Variants in MDGA2 observed in about 807,000 individuals in gnomAD.
MDGA2 encodes MAM domain-containing glycosylphosphatidylinositol anchor protein 2.
Under a neutral mutation model 117.8 loss-of-function variants are expected in MDGA2, and 40 were observed. That is an observed-to-expected ratio of 0.34 (90% confidence interval 0.26 to 0.44). The LOEUF is 0.44. Among genes scored for constraint, MDGA2 ranks in the 20% least tolerant of loss-of-function variants. The pLI is 1.00. For synonymous variants in MDGA2, 452 were observed against 439.0 expected, an observed-to-expected ratio of 1.03 and a Z score of -0.37; for missense variants, 1,123 against 1,250.6, an observed-to-expected ratio of 0.90 and a Z score of 1.54.
chr14:47,406,680 T>G lies in MDGA2; in HGVS notation c.281-105130A>C, dbSNP rs530172722. On this transcript the variant is annotated intron_variant, in intron 1 of 16. Coordinates refer to ENST00000399232, the MANE Select transcript of MDGA2 (RefSeq NM_001113498.3). ...ATTCTTTGGACTTAATGGCTACTGA[T>G]AGAAATAGGTGTGGTTCAATGACTC... Among the ~76,000 whole-genome samples the G allele has an allele frequency of 2.0e-5, 3 of 152,202 alleles. No homozygotes were observed. In the South Asian group the frequency reaches 6.2e-4, roughly 32 times the overall value.
At chr14:47,496,377 G>T (rs1461583813) in intron 1 of MDGA2, among the ~76,000 whole-genome samples, 1 of 151,898 alleles carries the variant, frequency 6.6e-6, no homozygotes, top group Non-Finnish European at 1.5e-5. Flanking sequence ...CAAGTAGGTG[G>T]GTCTACAAGC....
intron 1 of MDGA2, among the ~76,000 whole-genome samples, chr14:47,622,495 G>A (rs1001864597): frequency 5.9e-5 from 9 of 152,214 alleles, no homozygotes. Flanking sequence ...TAAATGGGAG[G>A]TGTGTAGATG....
At chr14:47,318,920 C>T (rs1390864356) in intron 1 of MDGA2, among the ~76,000 whole-genome samples, 1 of 152,260 alleles carries the variant, frequency 6.6e-6, no homozygotes. Flanking sequence ...TAAATTCTAT[C>T]TTTTCCTAAC....
At chr14:46,858,428 CTTTTTT>C (rs71112466) in intron 14 of MDGA2, among the ~76,000 whole-genome samples, 1 of 123,834 alleles carries the variant, frequency 8.1e-6, no homozygotes, top group African/African-American at 3.2e-5. Flanking sequence ...TTCTTTTTTT[CTTTTTT>C]TTTTTTTTTT....
At chr14:47,673,201 T>C (rs1898107223) in intron 1 of MDGA2, among the ~76,000 whole-genome samples, 1 of 152,160 alleles carries the variant, frequency 6.6e-6, no homozygotes, top group Admixed American at 6.5e-5. Context: ...GCTGGGTCTG[T>C]AGCATTCATC....
intron 8 of MDGA2, chr14:46,960,684 C>T (rs983827477): frequency 4.0e-5 from 6 of 151,104 alleles, no homozygotes; most frequent in African/African-American, 1.2e-4. Flanking sequence ...CATATACATA[C>T]ATATGTGTAT....
chr14:47,194,741 TCTCA>T (rs1566675039), intron 3 of MDGA2, among the ~76,000 whole-genome samples: 1 of 151,944 alleles, frequency 6.6e-6, no homozygotes, highest in Non-Finnish European at 1.5e-5. Context: ...GTTAGGTGAA[TCTCA>T]CTCTCTCTCT....
intron 3 of MDGA2, among the ~76,000 whole-genome samples, chr14:47,164,175 G>A (rs1883765069): frequency 6.6e-6 from 1 of 152,140 alleles, no homozygotes; most frequent in Non-Finnish European, 1.5e-5. Flanking sequence ...TTAATCAATA[G>A]ATATAGCTAT....
At chr14:47,034,915 T>C in intron 8 of MDGA2, 96 bp downstream of exon 8, 1 of 1,058,488 alleles carries the variant, frequency 9.4e-7, no homozygotes, top group South Asian at 1.5e-5. Flanking sequence ...GTTCATTCAA[T>C]CTAGTTACAA....
chr14:47,568,953 CTT>C (rs547050831), intron 1 of MDGA2, among the ~76,000 whole-genome samples: 6 of 141,676 alleles, frequency 4.2e-5, no homozygotes, highest in African/African-American at 1.3e-4. Context: ...AAATTAATGT[CTT>C]TTTTTTTTTT....
chr14:47,516,099 T>A (rs1894745687), intron 1 of MDGA2, among the ~76,000 whole-genome samples: 1 of 152,170 alleles, frequency 6.6e-6, no homozygotes, highest in Non-Finnish European at 1.5e-5. Flanking sequence ...AAAGTCCATT[T>A]ATGCATAGTT....
intron 3 of MDGA2, chr14:47,201,159 G>C: frequency 1.5e-6 from 1 of 672,898 alleles, no homozygotes. Flanking sequence ...TTAGCTGCTA[G>C]TTTACCTGCT....
intron 1 of MDGA2, among the ~76,000 whole-genome samples, chr14:47,439,667 T>G (rs909313513): frequency 6.6e-6 from 1 of 152,120 alleles, no homozygotes; most frequent in African/African-American, 2.4e-5. Flanking sequence ...ACAGGGATAA[T>G]GACCGACTAA....
chr14:47,586,680 T>A (rs1294493546), intron 1 of MDGA2, among the ~76,000 whole-genome samples: 1 of 151,774 alleles, frequency 6.6e-6, no homozygotes, highest in Non-Finnish European at 1.5e-5. Flanking sequence ...GGTATGTCTG[T>A]CCCCAAGCAT....
At chr14:47,181,701 A>G (rs1884712174) in intron 3 of MDGA2, among the ~76,000 whole-genome samples, 1 of 152,154 alleles carries the variant, frequency 6.6e-6, no homozygotes, top group Non-Finnish European at 1.5e-5. Flanking sequence ...TTTTCCTACT[A>G]AATAAGTGAA....
At chr14:47,325,785 A>G (rs1890125054) in intron 1 of MDGA2, among the ~76,000 whole-genome samples, 1 of 152,176 alleles carries the variant, frequency 6.6e-6, no homozygotes. Flanking sequence ...TAGGTGGGCC[A>G]AACGAGCAAG....
Position 46,968,745 on chromosome 14 carries a change from G to A in MDGA2, c.1820-11102C>T, listed in dbSNP as rs538776248. ...CCAGCTACTTGGGAGGCTGAGACAA[G>A]AGAATTGCTTAAACCTGGGAGGCAG... On this transcript the variant is annotated intron_variant, in intron 8 of 16. Coordinates refer to ENST00000399232, the MANE Select transcript of MDGA2 (RefSeq NM_001113498.3). Among the ~76,000 whole-genome samples the A allele has an allele frequency of 2.1e-5, 3 of 145,164 alleles. No individual in the cohort carries two copies. In the South Asian group the frequency reaches 6.4e-4, roughly 31 times the overall value.
intron 3 of MDGA2, among the ~76,000 whole-genome samples, chr14:47,208,015 C>T (rs1885750373): frequency 6.6e-6 from 1 of 152,002 alleles, no homozygotes; most frequent in Non-Finnish European, 1.5e-5. Flanking sequence ...CAGATGTACT[C>T]TCTGACACCC....
chr14:47,432,667 G>GA (rs1180797051), intron 1 of MDGA2, among the ~76,000 whole-genome samples: 3 of 151,706 alleles, frequency 2.0e-5, no homozygotes, highest in African/African-American at 7.3e-5. Context: ...TATAAAATTT[G>GA]AAAAAAAGAA....
Sources: gnomAD v4.1 joint callset for allele counts (sites outside exome capture counted in the v4.1 genomes callset) on GRCh38, gnomAD v4.1.1 for gene constraint, MANE v1.5 for transcripts, NCBI Gene and HGNC (gene_info 2026-07-23, HGNC 2026-07-21) for gene names.